TIGAR: variants seen among roughly 807,000 people sequenced by gnomAD.
TIGAR encodes TP53 induced glycolysis regulatory phosphatase.
In TIGAR, 7 loss-of-function variants were observed where a neutral mutation model predicts 17.9. That is an observed-to-expected ratio of 0.39 (90% CI 0.22 to 0.73). TIGAR has a LOEUF of 0.73. Among genes scored for constraint, TIGAR ranks in the 30% least tolerant of loss-of-function variants. TIGAR has a pLI of 0.42. For synonymous variants in TIGAR, 94 were observed against 108.6 expected (o/e 0.87, Z 0.84); for missense variants, 258 against 327.4 (o/e 0.79, Z 1.64).
chr12:4,327,392 G>C (rs11063082), intron 1 of TIGAR, among the ~76,000 whole-genome samples: 34,021 of 149,242 alleles, frequency 0.23, 3,900 homozygotes, highest in South Asian at 0.29. Context: ...CTGGGCTGCA[G>C]AGTGAGACCC....
intron 1 of TIGAR, chr12:4,324,942 C>T (rs796742921): frequency 4.7e-5 from 9 of 190,588 alleles, no homozygotes; most frequent in South Asian, 9.5e-5. Context: ...TTTGTTTTTG[C>T]TTTTTTTTTT....
At chr12:4,341,858 C>T (rs1864726303) in intron 3 of TIGAR, among the ~76,000 whole-genome samples, 1 of 152,244 alleles carries the variant, frequency 6.6e-6, no homozygotes, top group Non-Finnish European at 1.5e-5. Flanking sequence ...CGCAGCTCCT[C>T]ACCAGCAACG....
chr12:4,343,920 C>A (rs907365837), intron 3 of TIGAR, among the ~76,000 whole-genome samples: 7 of 151,902 alleles, frequency 4.6e-5, no homozygotes, highest in Non-Finnish European at 8.8e-5. Context: ...AAAACCCTTC[C>A]AAAAATCAAT....
chr12:4,332,026 T>C (rs973669055), intron 2 of TIGAR, among the ~76,000 whole-genome samples: 10 of 152,154 alleles, frequency 6.6e-5, no homozygotes, highest in Non-Finnish European at 1.3e-4. Flanking sequence ...GGAACCTTTG[T>C]TTTCAGACGA....
intron 3 of TIGAR, among the ~76,000 whole-genome samples, chr12:4,345,444 AAAT>A (rs1334030881): frequency 7.2e-5 from 11 of 152,210 alleles, no homozygotes; most frequent in African/African-American, 2.7e-4. Context: ...GAGCCCTCAG[AAAT>A]AATACCACAC....
At chr12:4,331,401 A>G in intron 2 of TIGAR, 84 bp downstream of exon 2, 1 of 1,290,724 alleles carries the variant, frequency 7.7e-7, no homozygotes, top group Non-Finnish European at 1.1e-6. Context: ...GGGGTGGGGT[A>G]GACTGGGGGC....
At chr12:4,332,992 CT>C (rs1212084988) in intron 2 of TIGAR, among the ~76,000 whole-genome samples, 1 of 152,130 alleles carries the variant, frequency 6.6e-6, no homozygotes, top group East Asian at 1.9e-4. Context: ...CTATGTTCTG[CT>C]TTTGTATCGA....
At chr12:4,342,944 C>A (rs1001288467) in intron 3 of TIGAR, among the ~76,000 whole-genome samples, 1 of 152,072 alleles carries the variant, frequency 6.6e-6, no homozygotes, top group African/African-American at 2.4e-5. Context: ...AGACTGGCAA[C>A]TTGGATAAAG....
intron 2 of TIGAR, among the ~76,000 whole-genome samples, chr12:4,335,333 G>T (rs1463838284): frequency 6.6e-6 from 1 of 151,778 alleles, no homozygotes; most frequent in South Asian, 2.1e-4. Flanking sequence ...CACCATGCCC[G>T]GCCATTTTTT....
intron 3 of TIGAR, among the ~76,000 whole-genome samples, chr12:4,342,338 C>T (rs1864732671): frequency 6.6e-6 from 1 of 152,160 alleles, no homozygotes; most frequent in Admixed American, 6.5e-5. Flanking sequence ...GAGAACTTCC[C>T]CAACCTAGCA....
At chr12:4,329,344 T>G (rs1335019930) in intron 1 of TIGAR, among the ~76,000 whole-genome samples, 1 of 141,178 alleles carries the variant, frequency 7.1e-6, no homozygotes, top group Non-Finnish European at 1.5e-5. Flanking sequence ...TTTTTTTTTT[T>G]TTTTTTTTTT....
intron 3 of TIGAR, among the ~76,000 whole-genome samples, chr12:4,339,125 T>C (rs1451794266): frequency 6.6e-6 from 1 of 151,990 alleles, no homozygotes. Flanking sequence ...AATGATAAAT[T>C]GGTATTTTGA....
In TIGAR at chr12:4,337,127, T is replaced by C; in HGVS notation, c.159T>C (p.His53=). 2 of 1,613,550 alleles carry C rather than the reference T, an allele frequency of 1.2e-6. No individual in the cohort carries two copies. The highest frequency in any genetic ancestry group is 2.2e-5 in the East Asian group (1 of 44,874). Residue 53 remains histidine, a synonymous_variant, in exon 3 of 6, where the codon CAT becomes CAC. Coordinates refer to ENST00000179259, the MANE Select transcript of TIGAR (RefSeq NM_020375.3). ...GIFLNNVKFT[H]AFSSDLMRTK... ...TTCTGAATAATGTGAAGTTTACTCA[T>C]GCTTTCTCCAGTGATCTCATGAGGA...
At position 4,337,154 on chromosome 12, in the gene TIGAR, A is replaced by T; in HGVS notation, c.186A>T (p.Thr62=). The T allele has an allele frequency of 6.2e-7, 1 of 1,604,996 alleles. No homozygotes were observed. The highest frequency in any genetic ancestry group is 8.5e-7 in the Non-Finnish European group (1 of 1,172,994). The change falls in exon 3 of 6, where the codon ACA becomes ACT. Residue 62 remains threonine, a synonymous_variant. Coordinates refer to ENST00000179259, the MANE Select transcript of TIGAR (RefSeq NM_020375.3). ...CTTTCTCCAGTGATCTCATGAGGAC[A>T]AAGCAGGTACATTTATTTATTTATT... ...THAFSSDLMR[T]KQTMHGILER...
Position 4,355,793 on chromosome 12 carries a change from G to C in TIGAR, c.*3102G>C, listed in dbSNP as rs1020423242. On this transcript the variant is annotated 3_prime_UTR_variant, in exon 6 of 6. Transcript: ENST00000179259. ...GGTCAGAGTAAGGGGGATGGAGACT[G>C]GTGGGAGGAATGCTGCTTTATCCAG... 6.6e-6 allele frequency among the ~76,000 whole-genome samples: 1 copy of C among 152,206 alleles called. No individual in the cohort carries two copies.
In TIGAR at chr12:4,321,284, G is replaced by T; in HGVS notation, c.13G>T (p.Ala5Ser). MARF[A>S]LTVVRHGETR... ...CGGCTCCGGGAACATGGCTCGCTTC[G>T]CTCTGACTGTTGTCCGGCAGTGAGT... Residue 5 changes from alanine (A) to serine (S), a missense_variant, in exon 1 of 6, where the codon GCT becomes TCT. Transcript: ENST00000179259. This position sits in a 1 kb window ranked among gnomAD's most constrained non-coding sequence, Gnocchi z 5.2. 6.2e-7 allele frequency: 1 copy of T among 1,601,278 alleles called. No individual in the cohort carries two copies. The highest frequency in any genetic ancestry group is 8.5e-7 in the Non-Finnish European group (1 of 1,179,804).
chr12:4,324,302 C>T (rs909287903), intron 1 of TIGAR: 2 of 689,636 alleles, frequency 2.9e-6, no homozygotes, highest in Non-Finnish European at 5.1e-6. Flanking sequence ...GAGTCCCCGG[C>T]AAAACCATCC....
chr12:4,339,155 C>A (rs1003454368), intron 3 of TIGAR, among the ~76,000 whole-genome samples: 16 of 151,576 alleles, frequency 1.1e-4, no homozygotes, highest in Non-Finnish European at 8.8e-5. Context: ...ATTGACAGAC[C>A]TTTAGGTAGA....
At chr12:4,350,767 A>G (rs1261978367) in intron 4 of TIGAR, among the ~76,000 whole-genome samples, 1 of 149,780 alleles carries the variant, frequency 6.7e-6, no homozygotes, top group African/African-American at 2.5e-5. Flanking sequence ...ACAGAGCGAG[A>G]TTCCGTCTCA....
Sources: allele counts gnomAD v4.1 joint callset (sites outside exome capture counted in the v4.1 genomes callset), GRCh38; gene constraint gnomAD v4.1.1; non-coding constraint Gnocchi (gnomAD v3.1); transcripts MANE v1.5; gene names NCBI Gene and HGNC (gene_info 2026-07-23, HGNC 2026-07-21).